Variants in SNX19 observed in about 807,000 individuals in gnomAD.
The protein encoded by SNX19 is sorting nexin-19.
In SNX19, 60 loss-of-function variants were observed where a neutral mutation model predicts 85.2. The observed-to-expected ratio is 0.70, with a 90% CI of 0.57 to 0.87. The LOEUF (loss-of-function observed/expected upper bound fraction) is 0.87, where lower values mean the gene tolerates loss of function less well. Among genes scored for constraint, SNX19 ranks in the 40% least tolerant of loss-of-function variants. SNX19 has a pLI of 0.00. For synonymous variants in SNX19, 520 were observed against 470.0 expected (o/e 1.11, Z -1.38); for missense variants, 1,201 against 1,217.8 (o/e 0.99, Z 0.21).
chr11:130,903,453 C>T, intron 7 of SNX19, 69 bp from the exon 8 acceptor site: 2 of 1,533,990 alleles, frequency 1.3e-6, no homozygotes, highest in Non-Finnish European at 1.8e-6. Context: ...TTTCAAGGTA[C>T]TGGTGGCACC....
chr11:130,893,636 T>C lies in SNX19; in HGVS notation c.2573+9619A>G, dbSNP rs911242104. The C allele has an allele frequency of 6.7e-6, 4 of 597,894 alleles. No homozygotes were observed. The East Asian group carries it at 8.3e-5, about 12-fold the overall frequency. 37.0% of individuals were successfully genotyped at this position (597,894 alleles called of 1,614,324 possible). A position where few individuals can be genotyped will look rare whatever the true frequency, so the allele number is the denominator to read the frequency against. On this transcript the variant is annotated intron_variant, in intron 8 of 10. Coordinates refer to ENST00000265909, the MANE Select transcript of SNX19 (RefSeq NM_014758.3). The stretch of plus-strand genomic sequence containing the variant: ...GGACACCGAAGTGGCAACTCCAGAA[T>C]CTCCACAGAATAGGAACTTTGGGAG...
At position 130,868,056 on chromosome 11, in the gene SNX19, C is replaced by T. The variant is rs1486232964; in HGVS notation, c.*10366G>A. 6.6e-6 allele frequency: 1 copy of T among 152,190 alleles called. No homozygotes were observed. The highest frequency in any genetic ancestry group is 1.5e-5 in the Non-Finnish European group (1 of 68,036). 9.4% of individuals were successfully genotyped at this position (152,190 alleles called of 1,614,324 possible). On this transcript the variant is annotated 3_prime_UTR_variant, in exon 11 of 11. Coordinates refer to ENST00000265909, the MANE Select transcript of SNX19 (RefSeq NM_014758.3). ...AAAAATCTCTTCTCTGAAATGGCTTCTCTGCCTTCATATTGCCTGAAGAGT... is the reference window on the plus strand; with the variant it reads ...AAAAATCTCTTCTCTGAAATGGCTTTTCTGCCTTCATATTGCCTGAAGAGT...
At chr11:130,890,452 CT>C (rs1302909737) in intron 8 of SNX19, among the ~76,000 whole-genome samples, 8 of 152,156 alleles carry the variant, frequency 5.3e-5, no homozygotes, top group Admixed American at 5.2e-4. Context: ...ATGTCATCAT[CT>C]GTTTATGTTT....
At chr11:130,883,084 A>T (rs556313113) in intron 8 of SNX19, among the ~76,000 whole-genome samples, 1 of 152,336 alleles carries the variant, frequency 6.6e-6, no homozygotes, top group South Asian at 2.1e-4. Context: ...GTTCTCTTGC[A>T]TGGTGATTAA....
chr11:130,905,577 G>T, intron 7 of SNX19: 1 of 1,156,984 alleles, frequency 8.6e-7, no homozygotes, highest in Non-Finnish European at 1.2e-6. Flanking sequence ...GGACTAAGAA[G>T]CCACGAAAAA....
At position 130,914,872 on chromosome 11, in the gene SNX19, G is replaced by A. The variant is rs1946425949; in HGVS notation, c.1068C>T (p.Phe356=). 3 of 1,614,184 alleles carry A rather than the reference G, an allele frequency of 1.9e-6. No homozygotes were observed. Among genetic ancestry groups the A allele is most frequent in the Non-Finnish European group, 2.5e-6 (3 of 1,180,020 alleles). The part of the protein sequence containing the change: ...ERKVGNNSSH[F]LQPNVRGPLF... ...GGGGACCTCGAACATTTGGCTGTAG[G>A]AAATGAGATGAGTTGTTTCCTACTT... The change falls in exon 1 of 11, where the codon TTC becomes TTT. Residue 356 remains phenylalanine, a synonymous_variant. Coordinates refer to ENST00000265909, the MANE Select transcript of SNX19 (RefSeq NM_014758.3).
At chr11:130,889,955 G>A (rs1050273589) in intron 8 of SNX19, among the ~76,000 whole-genome samples, 9 of 152,074 alleles carry the variant, frequency 5.9e-5, no homozygotes, top group African/African-American at 2.2e-4. Context: ...TGGGCCTTAA[G>A]TTTTCTACTA....
chr11:130,894,843 C>G, intron 8 of SNX19: 1 of 985,424 alleles, frequency 1.0e-6, no homozygotes, highest in Non-Finnish European at 1.2e-6. Flanking sequence ...CAAGATCTAG[C>G]TGTTATACCT....
intron 8 of SNX19, chr11:130,892,610 C>G (rs10736588): frequency 0.6 from 90,908 of 151,892 alleles, 27,614 homozygotes; most frequent in South Asian, 0.73. Flanking sequence ...TCCTGGCAGG[C>G]TCAGGGAAGT....
chr11:130,869,623 G>A lies in SNX19; in HGVS notation c.*8799C>T, dbSNP rs1942932477. The A allele has an allele frequency of 1.3e-5, 2 of 152,192 alleles. No individual in the cohort carries two copies. Among genetic ancestry groups the A allele is most frequent in the South Asian group, 2.1e-4 (1 of 4,834 alleles). The allele number at this position is 152,192 out of a possible 1,614,324, so 9.4% of individuals were successfully genotyped here. On this transcript the variant is annotated 3_prime_UTR_variant, in exon 11 of 11. Coordinates refer to ENST00000265909, the MANE Select transcript of SNX19 (RefSeq NM_014758.3). ...AATCTGGGACTTAAAATCAGGGGAA[G>A]AGATGTGAATGGCTAAACTTTCTAG...
intron 2 of SNX19, 67 bp downstream of exon 2, chr11:130,911,565 CA>C: frequency 1.2e-6 from 2 of 1,602,330 alleles, no homozygotes; most frequent in African/African-American, 2.7e-5. Flanking sequence ...TCCCATAAAC[CA>C]ACAGGCCAAT....
At chr11:130,907,470 G>A (rs1443736977) in intron 5 of SNX19, among the ~76,000 whole-genome samples, 1 of 152,168 alleles carries the variant, frequency 6.6e-6, no homozygotes, top group Non-Finnish European at 1.5e-5. Flanking sequence ...GGGCCCTAGT[G>A]CAGGAAAGAG....
chr11:130,913,187 A>G (rs902507321), intron 1 of SNX19, among the ~76,000 whole-genome samples: 1 of 152,226 alleles, frequency 6.6e-6, no homozygotes, highest in Non-Finnish European at 1.5e-5. Context: ...TGGAATAGTC[A>G]TTAAAAAAAG....
intron 10 of SNX19, 52 bp from the exon 11 acceptor site, chr11:130,878,606 G>C: frequency 6.3e-7 from 1 of 1,586,404 alleles, no homozygotes; most frequent in Non-Finnish European, 8.6e-7. Context: ...GGAAACACAA[G>C]ATCCTGTTTA....
intron 8 of SNX19, among the ~76,000 whole-genome samples, chr11:130,887,936 C>T (rs1379645572): frequency 6.6e-6 from 1 of 152,100 alleles, no homozygotes; most frequent in East Asian, 1.9e-4. Flanking sequence ...GAGATGTGAC[C>T]TGACCAGCAA....
chr11:130,896,004 T>C (rs986314583), intron 8 of SNX19, among the ~76,000 whole-genome samples: 27 of 152,246 alleles, frequency 1.8e-4, no homozygotes, highest in Admixed American at 1.4e-3. Flanking sequence ...GCAGTACTCC[T>C]TCCCAGGGAG....
At chr11:130,905,561 C>G (rs10894280) in intron 7 of SNX19, 627,043 of 955,516 alleles carry the variant, frequency 0.66, 207,370 homozygotes, top group South Asian at 0.8. Context: ...ATGGAGCCAA[C>G]AGAGTGGACT....
rs749468805 is a variant in SNX19 at position 130,915,927 on chromosome 11, T to C, written c.13A>G (p.Thr5Ala). The C allele has an allele frequency of 1.2e-6, 2 of 1,613,760 alleles. No individual in the cohort carries two copies. Among genetic ancestry groups the C allele is most frequent in the Admixed American group, 3.3e-5 (2 of 59,976 alleles). ...GGAGTTTCCTGGAACGGTGGCACTG[T>C]TTCTGTCTTCATGGCTGAACGGACA... is the stretch of plus-strand genomic sequence containing the variant. Reference protein sequence around the residue: MKTETVPPFQETPAG... With the variant: MKTEAVPPFQETPAG... The change falls in exon 1 of 11, where the codon ACA (threonine) becomes GCA (alanine). Residue 5 changes from threonine (T) to alanine (A), a missense_variant. Physicochemically the swap from Thr to Ala is moderately conservative, Grantham distance 58. Around this residue, in one of 3 missense-constraint regions of SNX19, gnomAD observed 791 missense variants for 750.9 expected, o/e 1.05. Coordinates refer to ENST00000265909, the MANE Select transcript of SNX19 (RefSeq NM_014758.3).
chr11:130,910,971 G>T (rs1946064602), intron 2 of SNX19, among the ~76,000 whole-genome samples: 1 of 152,128 alleles, frequency 6.6e-6, no homozygotes, highest in African/African-American at 2.4e-5. Context: ...GAGGTGGGTA[G>T]ATTGCTTGAG....
Sources: gnomAD v4.1 joint callset for allele counts (sites outside exome capture counted in the v4.1 genomes callset) on GRCh38, gnomAD v4.1.1 for gene constraint, gnomAD v4.1.1 regional missense constraint, MANE v1.5 for transcripts, NCBI Gene and HGNC (gene_info 2026-07-23, HGNC 2026-07-21) for gene names.